PCDHA12: variants seen among roughly 807,000 people sequenced by gnomAD.
PCDHA12 encodes protocadherin alpha 12, also known as protocadherin alpha-12.
In PCDHA12, 44 loss-of-function variants were observed where a neutral mutation model predicts 60.0. The observed-to-expected ratio is 0.73, with a 90% CI of 0.58 to 0.94. PCDHA12 has a LOEUF of 0.94. PCDHA12 is among the 40% of genes least tolerant of loss of function. The pLI is 0.00. For synonymous variants in PCDHA12, 569 were observed against 553.0 expected (o/e 1.03, Z -0.40); for missense variants, 1,276 against 1,239.7 (o/e 1.03, Z -0.44).
At chr5:140,891,708 C>T (rs1422243783) in intron 1 of PCDHA12, among the ~76,000 whole-genome samples, 1 of 152,066 alleles carries the variant, frequency 6.6e-6, no homozygotes, top group Admixed American at 6.6e-5. Context: ...TGAATTTGTA[C>T]CCCCAAATTC....
chr5:140,966,532 G>A (rs1418404048), intron 1 of PCDHA12: 7 of 447,876 alleles, frequency 1.6e-5, no homozygotes, highest in East Asian at 3.5e-5. Flanking sequence ...GAGCCGGGTT[G>A]AGCGACTCGG....
intron 1 of PCDHA12, among the ~76,000 whole-genome samples, chr5:140,924,207 T>C (rs2081717308): frequency 6.6e-6 from 1 of 152,198 alleles, no homozygotes. Flanking sequence ...AGAAATTTGG[T>C]GAAGAATAAG....
intron 3 of PCDHA12, among the ~76,000 whole-genome samples, chr5:140,997,002 G>T (rs534893055): frequency 1.3e-5 from 2 of 152,118 alleles, no homozygotes; most frequent in East Asian, 1.9e-4. Context: ...TAACAATTTT[G>T]TGTGTATCCT....
intron 1 of PCDHA12, among the ~76,000 whole-genome samples, chr5:140,880,028 G>A (rs577776398): frequency 1.2e-4 from 19 of 152,308 alleles, no homozygotes; most frequent in African/African-American, 4.6e-4. Flanking sequence ...AAATCCACAA[G>A]TTCCAGGGAT....
intron 1 of PCDHA12, among the ~76,000 whole-genome samples, chr5:140,978,477 G>A (rs1362771671): frequency 6.6e-6 from 1 of 152,342 alleles, no homozygotes; most frequent in African/African-American, 2.4e-5. Context: ...ATATGCTGCA[G>A]TCTGCAAAGC....
At chr5:140,942,406 G>GT (rs1554214961) in intron 1 of PCDHA12, among the ~76,000 whole-genome samples, 2 of 149,658 alleles carry the variant, frequency 1.3e-5, no homozygotes, top group South Asian at 2.1e-4. Flanking sequence ...ATGAGACTCT[G>GT]TTTAAAAAAA....
At chr5:140,885,236 T>C (rs2060525853) in intron 1 of PCDHA12, among the ~76,000 whole-genome samples, 1 of 152,166 alleles carries the variant, frequency 6.6e-6, no homozygotes, top group Non-Finnish European at 1.5e-5. Context: ...CTGCTTTCAA[T>C]TTTTTATTTG....
intron 1 of PCDHA12, chr5:140,929,415 C>A: frequency 6.6e-7 from 1 of 1,504,268 alleles, no homozygotes; most frequent in Non-Finnish European, 8.9e-7. Context: ...CCTTTCACAA[C>A]ATTTCATCAA....
At chr5:140,909,866 A>G (rs1203006388) in intron 1 of PCDHA12, among the ~76,000 whole-genome samples, 2 of 152,212 alleles carry the variant, frequency 1.3e-5, no homozygotes, top group African/African-American at 2.4e-5. Context: ...CCTGGAGTCA[A>G]CGTCAGCTTA....
At chr5:140,929,373 C>T (rs1563116244) in intron 1 of PCDHA12, 1 of 1,514,818 alleles carries the variant, frequency 6.6e-7, no homozygotes, top group Non-Finnish European at 8.8e-7. Context: ...GAGATGGCTG[C>T]TAGCTGTGTT....
rs186453463 is a variant in PCDHA12 at position 140,951,770 on chromosome 5, C to T, written c.2368-27179C>T. On this transcript the variant is annotated intron_variant, in intron 1 of 3. Transcript: ENST00000398631. ...ACCCTCCGCGAAATCTCATGACGTT[C>T]TTACATTGCAAAATACAATTATCCC... 1.6e-3 allele frequency among the ~76,000 whole-genome samples: 247 copies of T among 152,268 alleles called. 1 individual carries two copies. The highest frequency in any genetic ancestry group is 5.5e-3 in the African/African-American group (229 of 41,576).
intron 3 of PCDHA12, among the ~76,000 whole-genome samples, chr5:141,008,432 C>T (rs2098376587): frequency 6.6e-6 from 1 of 152,082 alleles, no homozygotes. Context: ...ATCACTTTGC[C>T]CAGACAGACC....
At chr5:140,902,442 T>G (rs1182491503) in intron 1 of PCDHA12, among the ~76,000 whole-genome samples, 1 of 152,166 alleles carries the variant, frequency 6.6e-6, no homozygotes, top group Non-Finnish European at 1.5e-5. Flanking sequence ...CCTTGTCATA[T>G]TCTAGATCCT....
intron 1 of PCDHA12, among the ~76,000 whole-genome samples, chr5:140,916,184 A>C (rs1554197322): frequency 6.6e-6 from 1 of 152,092 alleles, no homozygotes. Context: ...CTCTTCAAGG[A>C]AGTGGGCACC....
rs1554202548 is a variant in PCDHA12 at position 140,925,108 on chromosome 5, G to GGAAGGAAGGAAGGAAGGAAGGAAGGAA, written c.2367+47270_2367+47271insAAGGAAGGAAGGAAGGAAGGAAGGAAG. On this transcript the variant is annotated intron_variant, in intron 1 of 3. Transcript: ENST00000398631. ...AAGGAAGGAAGGAAGGAAGGAAGGA[G>GGAAGGAAGGAAGGAAGGAAGGAAGGAA]GGAAGGAAGGAAGGAAAAAAAATTT... Among the ~76,000 whole-genome samples, 52 of 124,778 alleles carry GGAAGGAAGGAAGGAAGGAAGGAAGGAA rather than the reference G, an allele frequency of 4.2e-4. No individual in the cohort carries two copies. The Middle Eastern group carries it at 0.013, about 31-fold the overall frequency. The allele number at this position is 124,778 out of a possible 152,430, so 81.9% of individuals were successfully genotyped here. A position where few individuals can be genotyped will look rare whatever the true frequency, so the allele number is the denominator to read the frequency against.
chr5:140,883,575 G>A (rs782472492), intron 1 of PCDHA12: 2 of 1,614,072 alleles, frequency 1.2e-6, no homozygotes, highest in Non-Finnish European at 1.7e-6. Flanking sequence ...CCTTCGCTGT[G>A]GGCCACGGCC....
rs185481644 is a variant in PCDHA12, at chr5:140,906,049, T to C, written c.2367+28210T>C. 1.7e-3 allele frequency among the ~76,000 whole-genome samples: 263 copies of C among 152,304 alleles called. 2 individuals are homozygous for C. Among genetic ancestry groups the C allele is most frequent in the African/African-American group, 5.9e-3 (247 of 41,562 alleles). ...TTCTTCTGTCTGCTTTTATTCTGGC[T>C]GCACTGGCAGCTGATTAGATCGCAC... On this transcript the variant is annotated intron_variant, in intron 1 of 3. Transcript: ENST00000398631.
chr5:140,883,507 G>T (rs782325165), intron 1 of PCDHA12: 1 of 1,614,200 alleles, frequency 6.2e-7, no homozygotes, highest in South Asian at 1.1e-5. Flanking sequence ...ACAGCGCCCT[G>T]GACCGCGAGA....
chr5:140,954,360 A>G (rs1203050549), intron 1 of PCDHA12, among the ~76,000 whole-genome samples: 2 of 152,212 alleles, frequency 1.3e-5, no homozygotes, highest in African/African-American at 4.8e-5. Flanking sequence ...GAATCGCCAC[A>G]CAGTCTCCCA....
Sources: gnomAD v4.1 joint callset for allele counts (sites outside exome capture counted in the v4.1 genomes callset) on GRCh38, gnomAD v4.1.1 for gene constraint, MANE v1.5 for transcripts, NCBI Gene and HGNC (gene_info 2026-07-23, HGNC 2026-07-21) for gene names.